Variants in PCDHGA12 observed in about 807,000 individuals in gnomAD.
PCDHGA12 encodes protocadherin gamma-A12.
In PCDHGA12, 43 loss-of-function variants were observed where a neutral mutation model predicts 61.1. That is an observed-to-expected ratio of 0.70 (90% CI 0.55 to 0.91). The LOEUF (loss-of-function observed/expected upper bound fraction) is 0.91. Among genes scored for constraint, PCDHGA12 ranks in the 40% least tolerant of loss-of-function variants. PCDHGA12 has a pLI of 0.00. For missense variants in PCDHGA12, 1,236 were observed against 1,227.7 expected, an observed-to-expected ratio of 1.01 and a Z score of -0.10; for synonymous variants, 520 against 542.9, an observed-to-expected ratio of 0.96 and a Z score of 0.59.
At position 141,430,782 on chromosome 5, in the gene PCDHGA12, G is replaced by C. The variant is rs1220976669; in HGVS notation, c.23G>C (p.Arg8Pro). 2.0e-6 allele frequency: 3 copies of C among 1,510,858 alleles called. No individual in the cohort carries two copies. The East Asian group carries it at 6.9e-5, about 35-fold the overall frequency. 93.6% of individuals were successfully genotyped at this position (1,510,858 alleles called of 1,614,324 possible). A position where few individuals can be genotyped will look rare whatever the true frequency, so the allele number is the denominator to read the frequency against. ...AGAATGATTCCTGCGCGACTGCACC[G>C]GGACTACAAAGGGCTTGTCCTGCTG... MIPARLHRDYKGLVLLGI... is the reference protein window; with the variant it reads MIPARLHPDYKGLVLLGI... The change falls in exon 1 of 4, where the codon CGG (arginine) becomes CCG (proline). Residue 8 changes from arginine (R) to proline (P), a missense_variant. Arg to Pro is a moderately radical substitution (Grantham distance 103, BLOSUM62 -2). Coordinates refer to ENST00000252085, the MANE Select transcript of PCDHGA12 (RefSeq NM_003735.3).
rs922592733 is a variant in PCDHGA12 at position 141,487,979 on chromosome 5, C to T, written c.2425-6828C>T. Among the ~76,000 whole-genome samples the T allele has an allele frequency of 1.3e-5, 2 of 152,178 alleles. No individual in the cohort carries two copies. Among genetic ancestry groups the T allele is most frequent in the African/African-American group, 4.8e-5 (2 of 41,442 alleles). The stretch of plus-strand genomic sequence containing the variant: ...TGGACAAAGGTGGCTGTTTTCTCTA[C>T]TCTTCCTGAAAGAGGGGATCAGATT... On this transcript the variant is annotated intron_variant, in intron 1 of 3. Coordinates refer to ENST00000252085, the MANE Select transcript of PCDHGA12 (RefSeq NM_003735.3). The surrounding 1 kb of genome is among the most constrained non-coding windows in gnomAD (Gnocchi z 5.0).
chr5:141,483,401 A>G (rs1052240280), intron 1 of PCDHGA12, among the ~76,000 whole-genome samples: 2 of 152,202 alleles, frequency 1.3e-5, no homozygotes, highest in African/African-American at 4.8e-5. Context: ...TGCTTGAACC[A>G]GCACAGTGGC....
At position 141,485,343 on chromosome 5, in the gene PCDHGA12, A is replaced by G; in HGVS notation, c.2425-9464A>G. ...GCTCAAGATTTCCTGCTGGATACGG[A>G]CAGTCTGTCAGCTCGCAGGCTGCAG... On this transcript the variant is annotated intron_variant, in intron 1 of 3. Transcript: ENST00000252085. This position sits in a 1 kb window ranked among gnomAD's most constrained non-coding sequence, Gnocchi z 5.7. 1 of 1,614,062 alleles carries G rather than the reference A, an allele frequency of 6.2e-7. No homozygotes were observed. Among genetic ancestry groups the G allele is most frequent in the Non-Finnish European group, 8.5e-7 (1 of 1,179,984 alleles).
At chr5:141,461,394 G>A (rs2099014614) in intron 1 of PCDHGA12, among the ~76,000 whole-genome samples, 1 of 152,098 alleles carries the variant, frequency 6.6e-6, no homozygotes. Flanking sequence ...GATTAGCGAT[G>A]TTGAGCATTT....
chr5:141,489,077 C>G lies in PCDHGA12; in HGVS notation c.2425-5730C>G, dbSNP rs957205894. On this transcript the variant is annotated intron_variant, in intron 1 of 3. Coordinates refer to ENST00000252085, the MANE Select transcript of PCDHGA12 (RefSeq NM_003735.3). The surrounding 1 kb of genome is among the most constrained non-coding windows in gnomAD (Gnocchi z 4.5). The stretch of plus-strand genomic sequence containing the variant: ...AGCTCCCCTCCCCCCTGCCCACCCC[C>G]GCCACTCGGTGACTAAGAACTGCTG... 7 of 325,684 alleles carry G rather than the reference C, an allele frequency of 2.1e-5. No homozygotes were observed. Among genetic ancestry groups the G allele is most frequent in the Non-Finnish European group, 3.9e-5 (7 of 181,468 alleles). The allele number at this position is 325,684 out of a possible 1,614,324, so 20.2% of individuals were successfully genotyped here.
At chr5:141,457,554 G>A (rs2098924282) in intron 1 of PCDHGA12, among the ~76,000 whole-genome samples, 1 of 152,166 alleles carries the variant, frequency 6.6e-6, no homozygotes, top group Admixed American at 6.5e-5. Flanking sequence ...TGTATGATAA[G>A]CTTTGGAGCA....
chr5:141,485,546 G>C lies in PCDHGA12; in HGVS notation c.2425-9261G>C. The C allele has an allele frequency of 6.2e-7, 1 of 1,614,074 alleles. No individual in the cohort carries two copies. ...GTACCGAGCAGAGGTAGAGATCGTA[G>C]ATGTGAATGATCACGCCCCCCGTTT... is the stretch of plus-strand genomic sequence containing the variant. On this transcript the variant is annotated intron_variant, in intron 1 of 3. Coordinates refer to ENST00000252085, the MANE Select transcript of PCDHGA12 (RefSeq NM_003735.3). The surrounding 1 kb of genome is among the most constrained non-coding windows in gnomAD (Gnocchi z 5.7).
In PCDHGA12 at chr5:141,461,259, T is replaced by C. The variant is rs114101293; in HGVS notation, c.2424+28076T>C. Among the ~76,000 whole-genome samples the C allele has an allele frequency of 4.2e-3, 640 of 152,290 alleles. 5 individuals are homozygous for C. The highest frequency in any genetic ancestry group is 0.015 in the African/African-American group (623 of 41,554). On this transcript the variant is annotated intron_variant, in intron 1 of 3. Coordinates refer to ENST00000252085, the MANE Select transcript of PCDHGA12 (RefSeq NM_003735.3). ...TACTAATTTATATTCCCAGCAGCAA[T>C]GTGTAAGTGTTCTCTTTTCCCCACA...
rs747633858 is a variant in PCDHGA12, at chr5:141,491,133, C to T, written c.2425-3674C>T. 6.2e-6 allele frequency: 10 copies of T among 1,614,158 alleles called. No homozygotes were observed. In the South Asian group the frequency reaches 9.9e-5, roughly 16 times the overall value. The stretch of plus-strand genomic sequence containing the variant: ...CACACACTGGTGAGGTGCGCACAGC[C>T]CGGGCCTTACTGGAGGATGACTCTG... On this transcript the variant is annotated intron_variant, in intron 1 of 3. Transcript: ENST00000252085. The surrounding 1 kb of genome is among the most constrained non-coding windows in gnomAD (Gnocchi z 6.9).
chr5:141,433,397 A>ATCTATCTATCTG (rs2097600396), intron 1 of PCDHGA12, among the ~76,000 whole-genome samples: 2 of 150,410 alleles, frequency 1.3e-5, no homozygotes, highest in African/African-American at 2.5e-5. Flanking sequence ...CTATCTATCT[A>ATCTATCTATCTG]TCTATCTATT....
intron 1 of PCDHGA12, among the ~76,000 whole-genome samples, chr5:141,450,776 C>T (rs757791026): frequency 4.0e-5 from 6 of 151,440 alleles, no homozygotes; most frequent in Non-Finnish European, 8.8e-5. Context: ...CATGAGCCAC[C>T]GTGCCCGGAC....
At chr5:141,500,340 C>A (rs188966393) in intron 2 of PCDHGA12, among the ~76,000 whole-genome samples, 92 of 152,066 alleles carry the variant, frequency 6.0e-4, no homozygotes, top group African/African-American at 2.1e-3. Flanking sequence ...TCCAGAATAG[C>A]TGGGACTACA....
At position 141,437,741 on chromosome 5, in the gene PCDHGA12, C is replaced by CTT. The variant is rs35124340; in HGVS notation, c.2424+4572_2424+4573dup. 4.3e-3 allele frequency among the ~76,000 whole-genome samples: 606 copies of CTT among 141,726 alleles called. 5 individuals are homozygous for CTT. The highest frequency in any genetic ancestry group is 0.012 in the Admixed American group (164 of 14,230). 93.0% of individuals were successfully genotyped at this position (141,726 alleles called of 152,430 possible). A position where few individuals can be genotyped will look rare whatever the true frequency, so the allele number is the denominator to read the frequency against. On this transcript the variant is annotated intron_variant, in intron 1 of 3. Transcript: ENST00000252085. ...CTCTAATGTTACACTTTGAGTTCAC[C>CTT]TTTTTTTTTTTTTTTGAGACAGAGT...
At chr5:141,453,331 C>G (rs1224258701) in intron 1 of PCDHGA12, among the ~76,000 whole-genome samples, 1 of 151,962 alleles carries the variant, frequency 6.6e-6, no homozygotes, top group East Asian at 1.9e-4. Flanking sequence ...TGGGGTCTCA[C>G]TATGTTTCCC....
rs1317699369 is a variant in PCDHGA12 at position 141,477,408 on chromosome 5, A to G, written c.2425-17399A>G. The G allele has an allele frequency of 6.2e-7, 1 of 1,614,098 alleles. No homozygotes were observed. ...TACAACCTCAGCATCACCGCCCGAG[A>G]CGCCGGAACCCCTTCCCTCTCAGCC... On this transcript the variant is annotated intron_variant, in intron 1 of 3. Transcript: ENST00000252085. This position sits in a 1 kb window ranked among gnomAD's most constrained non-coding sequence, Gnocchi z 4.9.
Position 141,487,463 on chromosome 5 carries a change from G to T in PCDHGA12, c.2425-7344G>T, listed in dbSNP as rs754798527. 1 of 1,614,136 alleles carries T rather than the reference G, an allele frequency of 6.2e-7. No homozygotes were observed. The highest frequency in any genetic ancestry group is 1.7e-5 in the Admixed American group (1 of 60,016). ...GTCAGATGACCCTATCAAGTTTGTT[G>T]ATGTGGGAGGCCACTCTCATGGCTG... On this transcript the variant is annotated intron_variant, in intron 1 of 3. Coordinates refer to ENST00000252085, the MANE Select transcript of PCDHGA12 (RefSeq NM_003735.3). The surrounding 1 kb of genome is among the most constrained non-coding windows in gnomAD (Gnocchi z 5.0).
At position 141,432,289 on chromosome 5, in the gene PCDHGA12, C is replaced by A. The variant is rs762278053; in HGVS notation, c.1530C>A (p.Asp510Glu). 2 of 1,614,148 alleles carry A rather than the reference C, an allele frequency of 1.2e-6. No individual in the cohort carries two copies. Among genetic ancestry groups the A allele is most frequent in the African/African-American group, 2.7e-5 (2 of 74,952 alleles). The change falls in exon 1 of 4, where the codon GAC (aspartate) becomes GAA (glutamate). Residue 510 changes from aspartate (D) to glutamate (E), a missense_variant. By Grantham distance (45) the Asp-to-Glu change is conservative (BLOSUM62 2). Coordinates refer to ENST00000252085, the MANE Select transcript of PCDHGA12 (RefSeq NM_003735.3). The surrounding 1 kb of genome is among the most constrained non-coding windows in gnomAD (Gnocchi z 6.0). ...CGTCCTACGTGTCCATCAACTCCGA[C>A]ACTGGGGTACTGTATGCGCTGAGCT... ...SLSSYVSINS[D>E]TGVLYALSSF... is the part of the protein sequence containing the mutation.
chr5:141,432,266 T>G lies in PCDHGA12; in HGVS notation c.1507T>G (p.Ser503Ala). ...CACCATCCAAGGGGCAAGCCTATCG[T>G]CCTACGTGTCCATCAACTCCGACAC... ...ENTIQGASLS[S>A]YVSINSDTGV... Residue 503 changes from serine to alanine, a missense_variant, in exon 1 of 4, where the codon TCC becomes GCC. Transcript: ENST00000252085. This position sits in a 1 kb window ranked among gnomAD's most constrained non-coding sequence, Gnocchi z 6.0. The G allele has an allele frequency of 6.2e-7, 1 of 1,614,214 alleles. No individual in the cohort carries two copies. Among genetic ancestry groups the G allele is most frequent in the East Asian group, 2.2e-5 (1 of 44,880 alleles).
chr5:141,479,703 C>T (rs1219257838), intron 1 of PCDHGA12: 1 of 152,182 alleles, frequency 6.6e-6, no homozygotes, highest in African/African-American at 2.4e-5. Context: ...AGTGTTAGTC[C>T]CTGTCCTTCC....
Sources: allele counts gnomAD v4.1 joint callset (sites outside exome capture counted in the v4.1 genomes callset), GRCh38; gene constraint gnomAD v4.1.1; non-coding constraint Gnocchi (gnomAD v3.1); transcripts MANE v1.5; gene names NCBI Gene and HGNC (gene_info 2026-07-23, HGNC 2026-07-21).